The following SLC41A2 variants were observed in gnomAD, a reference collection of about 807,000 sequenced individuals.
SLC41A2 encodes the protein solute carrier family 41 member 2.
Under a neutral mutation model 58.3 loss-of-function variants are expected in SLC41A2, and 32 were observed. That is an observed-to-expected ratio of 0.55 (90% CI 0.41 to 0.74). SLC41A2 has a LOEUF of 0.74. Ranked by LOEUF, SLC41A2 falls within the 30% of genes least tolerant of loss-of-function variation. The probability of loss-of-function intolerance (pLI) is 0.00; values close to 1 mark genes in which losing one functional copy is unlikely to be tolerated. For missense variants in SLC41A2, 514 were observed against 680.6 expected (o/e 0.76, Z 2.72); for synonymous variants, 190 against 235.0 (o/e 0.81, Z 1.75).
chr12:104,872,843 AC>A (rs2135554978), intron 6 of SLC41A2, among the ~76,000 whole-genome samples: 1 of 152,330 alleles, frequency 6.6e-6, no homozygotes, highest in South Asian at 2.1e-4. Flanking sequence ...ATTTCAGAAT[AC>A]TCAGAATTCT....
chr12:104,886,445 A>G lies in SLC41A2; in HGVS notation c.881-6T>C. ...AACCCCAACCATTATTATTCCTAGA[A>G]GAAAGAATGTTCATTACTTTTTAGG... is the stretch of plus-strand genomic sequence containing the variant. On this transcript the variant is annotated splice_polypyrimidine_tract_variant and splice_region_variant and intron_variant, in intron 5 of 10. Coordinates refer to ENST00000258538, the MANE Select transcript of SLC41A2 (RefSeq NM_001352171.3). The G allele has an allele frequency of 6.2e-7, 1 of 1,611,422 alleles. No individual in the cohort carries two copies. Among genetic ancestry groups the G allele is most frequent in the Non-Finnish European group, 8.5e-7 (1 of 1,178,252 alleles).
intron 1 of SLC41A2, among the ~76,000 whole-genome samples, chr12:104,946,418 G>A (rs2047720557): frequency 6.6e-6 from 1 of 151,976 alleles, no homozygotes; most frequent in Admixed American, 6.6e-5. Flanking sequence ...AACTACAGGT[G>A]CATGCCACCA....
chr12:104,918,501 C>T (rs1326790291), intron 2 of SLC41A2, among the ~76,000 whole-genome samples: 1 of 151,850 alleles, frequency 6.6e-6, no homozygotes, highest in Non-Finnish European at 1.5e-5. Flanking sequence ...AGTGAAAGAG[C>T]TCTAAGACAA....
At chr12:104,912,520 C>G (rs1023750290) in intron 2 of SLC41A2, among the ~76,000 whole-genome samples, 1 of 152,168 alleles carries the variant, frequency 6.6e-6, no homozygotes, top group Non-Finnish European at 1.5e-5. Flanking sequence ...TTTGGAAGTT[C>G]CTGGATGAGG....
intron 6 of SLC41A2, 24 bp from the exon 7 acceptor site, chr12:104,866,603 A>AAG (rs1466500503): frequency 7.5e-7 from 1 of 1,334,156 alleles, no homozygotes; most frequent in Non-Finnish European, 1.0e-6. Context: ...AAAAAAAAAA[A>AAG]AGAGAGACAA....
intron 10 of SLC41A2, among the ~76,000 whole-genome samples, chr12:104,810,594 G>A (rs1239667659): frequency 6.6e-6 from 1 of 152,100 alleles, no homozygotes; most frequent in East Asian, 1.9e-4. Context: ...ACCTATTTTT[G>A]TAAATAACGT....
chr12:104,821,202 T>C (rs963928081), intron 10 of SLC41A2, among the ~76,000 whole-genome samples: 1 of 152,158 alleles, frequency 6.6e-6, no homozygotes, highest in Non-Finnish European at 1.5e-5. Context: ...TATTTTACAT[T>C]ACATATATAG....
At chr12:104,887,214 C>T (rs1413168345) in intron 5 of SLC41A2, among the ~76,000 whole-genome samples, 3 of 151,826 alleles carry the variant, frequency 2.0e-5, no homozygotes, top group Non-Finnish European at 4.4e-5. Context: ...AATGTGCTAA[C>T]CACAAATCAA....
chr12:104,952,142 C>G (rs2047980361), intron 1 of SLC41A2, among the ~76,000 whole-genome samples: 2 of 152,086 alleles, frequency 1.3e-5, no homozygotes, highest in African/African-American at 2.4e-5. Context: ...AAAACTTTTT[C>G]TTTGTCCCAA....
At chr12:104,868,840 G>A (rs189280864) in intron 6 of SLC41A2, among the ~76,000 whole-genome samples, 151 of 152,270 alleles carry the variant, frequency 9.9e-4, no homozygotes, top group African/African-American at 3.2e-3. Context: ...ATGTGACAAC[G>A]TGATGAACCT....
At chr12:104,835,611 G>T (rs1257700465) in intron 10 of SLC41A2, among the ~76,000 whole-genome samples, 1 of 152,094 alleles carries the variant, frequency 6.6e-6, no homozygotes, top group Admixed American at 6.5e-5. Context: ...AACTTCCATA[G>T]CAGTTTGTCC....
At chr12:104,942,128 T>A (rs1490244098) in intron 1 of SLC41A2, among the ~76,000 whole-genome samples, 1 of 152,082 alleles carries the variant, frequency 6.6e-6, no homozygotes, top group African/African-American at 2.4e-5. Flanking sequence ...GTCTTAAACA[T>A]TTCTTACATG....
intron 1 of SLC41A2, among the ~76,000 whole-genome samples, chr12:104,946,295 C>T (rs888360839): frequency 6.6e-6 from 1 of 152,100 alleles, no homozygotes; most frequent in Admixed American, 6.6e-5. Flanking sequence ...GACATTGTCT[C>T]ACTCTATTGC....
intron 3 of SLC41A2, among the ~76,000 whole-genome samples, chr12:104,901,821 T>C (rs1190665842): frequency 1.3e-5 from 2 of 152,228 alleles, no homozygotes; most frequent in Non-Finnish European, 2.9e-5. Context: ...TTTAGGTTTA[T>C]AGAATAACAA....
rs563845291 is a variant in SLC41A2, at chr12:104,897,483, T to C, written c.664-2138A>G. 7.9e-5 allele frequency among the ~76,000 whole-genome samples: 12 copies of C among 152,056 alleles called. No individual in the cohort carries two copies. The South Asian group carries it at 2.5e-3, about 32-fold the overall frequency. Reference sequence around the variant, plus strand: ...AATCAGTTTCTTTTTTTTTTCATGATCTCTAGGGTGGTACTAATCAATTAA... The same window carrying C: ...AATCAGTTTCTTTTTTTTTTCATGACCTCTAGGGTGGTACTAATCAATTAA... On this transcript the variant is annotated intron_variant, in intron 3 of 10. Coordinates refer to ENST00000258538, the MANE Select transcript of SLC41A2 (RefSeq NM_001352171.3).
At chr12:104,950,523 G>T (rs1484850069) in intron 1 of SLC41A2, among the ~76,000 whole-genome samples, 1 of 152,050 alleles carries the variant, frequency 6.6e-6, no homozygotes, top group East Asian at 1.9e-4. Context: ...AGCCAGTCTT[G>T]GGTATTTCTT....
chr12:104,805,362 T>G (rs372089750), intron 10 of SLC41A2, 25 bp from the exon 11 acceptor site: 15 of 1,593,002 alleles, frequency 9.4e-6, no homozygotes, highest in Non-Finnish European at 8.6e-6. Flanking sequence ...CAGAGATTAC[T>G]CCGGCTGCCT....
intron 10 of SLC41A2, among the ~76,000 whole-genome samples, chr12:104,831,301 T>TC (rs1225545552): frequency 1.3e-5 from 2 of 152,110 alleles, no homozygotes; most frequent in East Asian, 3.8e-4. Context: ...TGTCTTAAAC[T>TC]CCAAGCCTCA....
chr12:104,924,028 T>G (rs2046726467), intron 2 of SLC41A2, among the ~76,000 whole-genome samples: 1 of 152,202 alleles, frequency 6.6e-6, no homozygotes, highest in African/African-American at 2.4e-5. Context: ...AAAAGATGTT[T>G]TAAATATATA....
Sources: allele counts gnomAD v4.1 joint callset (sites outside exome capture counted in the v4.1 genomes callset), GRCh38; gene constraint gnomAD v4.1.1; transcripts MANE v1.5; gene names NCBI Gene and HGNC (gene_info 2026-07-23, HGNC 2026-07-21).